SLCO1B3: variants seen among roughly 807,000 people sequenced by gnomAD.
The protein encoded by SLCO1B3 is solute carrier organic anion transporter family member 1B3.
In SLCO1B3, 72 loss-of-function variants were observed where a neutral mutation model predicts 71.8. The observed-to-expected ratio is 1.00, with a 90% CI of 0.83 to 1.22. The LOEUF is 1.22. Among genes scored for constraint, SLCO1B3 ranks in the 50% most tolerant of loss-of-function variants. The probability of loss-of-function intolerance (pLI) is 0.00; values close to 1 mark genes in which losing one functional copy is unlikely to be tolerated. For synonymous variants in SLCO1B3, 298 were observed against 278.4 expected (o/e 1.07, Z -0.70); for missense variants, 911 against 819.7 (o/e 1.11, Z -1.36).
intron 6 of SLCO1B3, 70 bp downstream of exon 6, chr12:20,861,208 A>G: frequency 1.5e-6 from 2 of 1,333,642 alleles, no homozygotes. Context: ...AAAGTTTCTG[A>G]TATTCTTTAA....
chr12:20,849,744 C>CACACACAT (rs1555154701), intron 3 of SLCO1B3, among the ~76,000 whole-genome samples: 19 of 148,362 alleles, frequency 1.3e-4, no homozygotes, highest in Middle Eastern at 3.5e-3. Flanking sequence ...CACACACACA[C>CACACACAT]ATATTACTTG....
At chr12:20,909,563 T>G (rs1407897972) in intron 15 of SLCO1B3, among the ~76,000 whole-genome samples, 2 of 152,116 alleles carry the variant, frequency 1.3e-5, no homozygotes, top group Non-Finnish European at 2.9e-5. Flanking sequence ...TTTAACTGTT[T>G]TTTCTATTGT....
intron 2 of SLCO1B3, among the ~76,000 whole-genome samples, chr12:20,815,328 A>AAATG (rs1864174028): frequency 6.6e-6 from 1 of 152,150 alleles, no homozygotes; most frequent in Admixed American, 6.6e-5. Context: ...TTCCTTTCAT[A>AAATG]AATCTTGTAA....
intron 3 of SLCO1B3, among the ~76,000 whole-genome samples, chr12:20,849,720 C>A: frequency 1.0e-5 from 1 of 98,338 alleles, no homozygotes. Context: ...ATCACACACA[C>A]ACACACACAC....
At chr12:20,821,797 A>G (rs1864315713) in intron 3 of SLCO1B3, among the ~76,000 whole-genome samples, 1 of 152,324 alleles carries the variant, frequency 6.6e-6, no homozygotes, top group African/African-American at 2.4e-5. Flanking sequence ...ATGTGGGTGA[A>G]TAATCAGAGA....
chr12:20,854,984 T>C (rs1322116663), intron 3 of SLCO1B3, 44 bp from the exon 4 acceptor site: 1 of 1,567,528 alleles, frequency 6.4e-7, no homozygotes, highest in Non-Finnish European at 8.7e-7. Flanking sequence ...CATTATATAG[T>C]TCTTTGATTA....
intron 13 of SLCO1B3, among the ~76,000 whole-genome samples, chr12:20,892,166 C>A (rs1865918293): frequency 6.6e-6 from 1 of 152,018 alleles, no homozygotes; most frequent in Non-Finnish European, 1.5e-5. Context: ...CTGGTTCTTT[C>A]TAACTTAGAT....
At chr12:20,826,866 A>G (rs1864434954) in intron 3 of SLCO1B3, among the ~76,000 whole-genome samples, 1 of 152,104 alleles carries the variant, frequency 6.6e-6, no homozygotes, top group South Asian at 2.1e-4. Context: ...CCTTTAAATA[A>G]GAACATATTT....
At chr12:20,836,010 G>A (rs1376856674) in intron 3 of SLCO1B3, among the ~76,000 whole-genome samples, 3 of 152,172 alleles carry the variant, frequency 2.0e-5, no homozygotes, top group Non-Finnish European at 2.9e-5. Flanking sequence ...ATGGTGAAAC[G>A]CAGAGGAGCA....
At chr12:20,814,976 C>CTTTTTTTT (rs1297703814) in intron 2 of SLCO1B3, among the ~76,000 whole-genome samples, 33 of 117,060 alleles carry the variant, frequency 2.8e-4, no homozygotes, top group South Asian at 5.4e-4. Context: ...CTTTTCTTTT[C>CTTTTTTTT]TTTTCTTTTT....
At chr12:20,863,912 A>G (rs1489520736) in intron 8 of SLCO1B3, among the ~76,000 whole-genome samples, 1 of 152,026 alleles carries the variant, frequency 6.6e-6, no homozygotes, top group Non-Finnish European at 1.5e-5. Flanking sequence ...TTTAATGGAT[A>G]TTTCTACTAC....
chr12:20,861,844 A>T (rs966157598), intron 6 of SLCO1B3, among the ~76,000 whole-genome samples: 1 of 152,124 alleles, frequency 6.6e-6, no homozygotes, highest in Non-Finnish European at 1.5e-5. Flanking sequence ...GAACAAAAAT[A>T]TACTTGCCTA....
At chr12:20,906,375 G>A (rs1434414470) in intron 15 of SLCO1B3, among the ~76,000 whole-genome samples, 1 of 152,078 alleles carries the variant, frequency 6.6e-6, no homozygotes, top group Admixed American at 6.6e-5. Context: ...CTAGCACAAG[G>A]AATTTTTAGG....
chr12:20,867,136 T>C (rs1865388717), intron 8 of SLCO1B3, among the ~76,000 whole-genome samples: 2 of 152,206 alleles, frequency 1.3e-5, no homozygotes, highest in Non-Finnish European at 2.9e-5. Context: ...TACCCCAAAC[T>C]CAATGTCTCT....
At chr12:20,875,042 A>G (rs1244302277) in intron 8 of SLCO1B3, among the ~76,000 whole-genome samples, 193 bp from the exon 9 acceptor site, 2 of 152,212 alleles carry the variant, frequency 1.3e-5, no homozygotes, top group Non-Finnish European at 1.5e-5. Context: ...GACAATAGCA[A>G]TTGCAAGATG....
intron 5 of SLCO1B3, among the ~76,000 whole-genome samples, chr12:20,859,880 T>C (rs1379204347): frequency 6.6e-6 from 1 of 152,054 alleles, no homozygotes; most frequent in East Asian, 1.9e-4. Flanking sequence ...ATCTTCAATA[T>C]TCATTTAATC....
chr12:20,819,222 G>A (rs922157441), intron 3 of SLCO1B3, among the ~76,000 whole-genome samples: 12 of 152,184 alleles, frequency 7.9e-5, no homozygotes, highest in African/African-American at 2.4e-4. Context: ...AGGAAGGAAA[G>A]GAGTTGTTGT....
At chr12:20,852,667 A>G (rs1457960557) in intron 3 of SLCO1B3, among the ~76,000 whole-genome samples, 1 of 151,956 alleles carries the variant, frequency 6.6e-6, no homozygotes, top group Non-Finnish European at 1.5e-5. Flanking sequence ...TTGTCATTTA[A>G]GTTTATTCCT....
intron 13 of SLCO1B3, among the ~76,000 whole-genome samples, chr12:20,896,990 T>C (rs1000766621): frequency 6.6e-5 from 10 of 152,176 alleles, no homozygotes; most frequent in African/African-American, 2.2e-4. Flanking sequence ...GTGAGACTTA[T>C]TATCATGAGA....
Sources: allele counts gnomAD v4.1 joint callset (sites outside exome capture counted in the v4.1 genomes callset), GRCh38; gene constraint gnomAD v4.1.1; transcripts MANE v1.5; gene names NCBI Gene and HGNC (gene_info 2026-07-23, HGNC 2026-07-21).